The following PLEKHH2 variants were observed in gnomAD, a reference collection of about 807,000 sequenced individuals.
The protein encoded by PLEKHH2 is pleckstrin homology domain-containing family H member 2.
In PLEKHH2, 129 loss-of-function variants were observed where a neutral mutation model predicts 187.9. That is an observed-to-expected ratio of 0.69 (90% CI 0.59 to 0.79). PLEKHH2 has a LOEUF of 0.79. Among genes scored for constraint, PLEKHH2 ranks in the 30% least tolerant of loss-of-function variants. The pLI is 0.00. For synonymous variants in PLEKHH2, 686 were observed against 605.6 expected, an observed-to-expected ratio of 1.13 and a Z score of -1.95; for missense variants, 2,076 against 1,751.2, an observed-to-expected ratio of 1.19 and a Z score of -3.31.
intron 22 of PLEKHH2, among the ~76,000 whole-genome samples, chr2:43,743,481 T>C (rs1296491803): frequency 6.6e-6 from 1 of 152,230 alleles, no homozygotes; most frequent in African/African-American, 2.4e-5. Context: ...TTTAAACATA[T>C]TTCTTGTTTA....
chr2:43,647,994 A>G lies in PLEKHH2; in HGVS notation c.123+3198A>G, dbSNP rs146397431. On this transcript the variant is annotated intron_variant, in intron 2 of 29. Transcript: ENST00000282406. Reference sequence around the variant, plus strand: ...ACAGTAACCCTATGAGGTGATTGTTATTATCCTCAATCTAGAGAATTAACA... The same window carrying G: ...ACAGTAACCCTATGAGGTGATTGTTGTTATCCTCAATCTAGAGAATTAACA... Among the ~76,000 whole-genome samples the G allele has an allele frequency of 2.0e-3, 312 of 152,292 alleles. 1 individual carries two copies. Among genetic ancestry groups the G allele is most frequent in the African/African-American group, 7.2e-3 (301 of 41,570 alleles).
chr2:43,711,567 A>G (rs1486346255), intron 14 of PLEKHH2: 2 of 976,080 alleles, frequency 2.0e-6, no homozygotes, highest in Non-Finnish European at 2.4e-6. Context: ...ATTTTATTAT[A>G]GTCTTTAATC....
At chr2:43,754,198 AC>A (rs558049664) in intron 25 of PLEKHH2, among the ~76,000 whole-genome samples, 12,142 of 132,442 alleles carry the variant, frequency 0.092, 567 homozygotes, top group African/African-American at 0.15. Context: ...ACACACACAC[AC>A]ACACACAAAA....
intron 19 of PLEKHH2, among the ~76,000 whole-genome samples, chr2:43,734,052 G>C (rs751753212): frequency 1.3e-5 from 2 of 152,086 alleles, no homozygotes; most frequent in Non-Finnish European, 2.9e-5. Context: ...TTGTCCCAAA[G>C]CATAGAAAAA....
At chr2:43,718,771 A>G (rs966416047) in intron 15 of PLEKHH2, among the ~76,000 whole-genome samples, 1 of 152,154 alleles carries the variant, frequency 6.6e-6, no homozygotes, top group South Asian at 2.1e-4. Context: ...AAAGAAAAAA[A>G]CACCCCACAC....
At chr2:43,664,012 A>C (rs1186397454) in intron 2 of PLEKHH2, among the ~76,000 whole-genome samples, 3 of 104,862 alleles carry the variant, frequency 2.9e-5, no homozygotes, top group African/African-American at 1.2e-4. Context: ...AGATGAGTTC[A>C]ATTCCTGGGT....
intron 3 of PLEKHH2, chr2:43,680,895 C>T (rs1572543476): frequency 1.7e-6 from 1 of 585,124 alleles, no homozygotes; most frequent in East Asian, 3.5e-5. Flanking sequence ...AGTAGAATTT[C>T]TGTTTCTGCC....
intron 1 of PLEKHH2, among the ~76,000 whole-genome samples, chr2:43,640,096 C>T (rs1172397617): frequency 6.6e-6 from 1 of 152,068 alleles, no homozygotes; most frequent in East Asian, 1.9e-4. Flanking sequence ...GCATATGACC[C>T]CATCCCTTGG....
chr2:43,690,739 A>G (rs553253879), intron 3 of PLEKHH2, among the ~76,000 whole-genome samples: 5 of 152,344 alleles, frequency 3.3e-5, no homozygotes, highest in East Asian at 3.9e-4. Flanking sequence ...AATATTGTAT[A>G]TAGTACTCAA....
chr2:43,644,230 G>C (rs1352327012), intron 1 of PLEKHH2, among the ~76,000 whole-genome samples: 3 of 152,064 alleles, frequency 2.0e-5, no homozygotes, highest in Admixed American at 6.5e-5. Context: ...GTAAAATTAT[G>C]AGCTGATAGA....
At chr2:43,762,247 A>C in intron 27 of PLEKHH2, 57 bp from the exon 28 acceptor site, 3 of 1,300,724 alleles carry the variant, frequency 2.3e-6, no homozygotes, top group Non-Finnish European at 3.3e-6. Context: ...AGACTGAAAA[A>C]TATTCCTGTA....
At chr2:43,756,436 G>A (rs1399786278) in intron 25 of PLEKHH2, among the ~76,000 whole-genome samples, 3 of 151,972 alleles carry the variant, frequency 2.0e-5, no homozygotes, top group Non-Finnish European at 4.4e-5. Context: ...GGGATTACAG[G>A]TGCCTGCCAC....
At chr2:43,693,710 C>T (rs900621930) in intron 4 of PLEKHH2, among the ~76,000 whole-genome samples, 2 of 80,398 alleles carry the variant, frequency 2.5e-5, no homozygotes, top group Non-Finnish European at 4.6e-5. Flanking sequence ...GGCGACTGAG[C>T]GAGACTCCAT....
intron 2 of PLEKHH2, among the ~76,000 whole-genome samples, chr2:43,659,745 G>C (rs1397538938): frequency 1.3e-5 from 2 of 151,946 alleles, no homozygotes; most frequent in South Asian, 2.1e-4. Context: ...TTTTAGTAGA[G>C]ACAGTGTTTG....
At chr2:43,727,103 G>A (rs995631803) in intron 17 of PLEKHH2, among the ~76,000 whole-genome samples, 3 of 152,116 alleles carry the variant, frequency 2.0e-5, no homozygotes, top group Non-Finnish European at 4.4e-5. Flanking sequence ...TTCTGAATCA[G>A]AAGTACTTTC....
At chr2:43,659,713 C>T (rs1353226330) in intron 2 of PLEKHH2, among the ~76,000 whole-genome samples, 2 of 151,988 alleles carry the variant, frequency 1.3e-5, no homozygotes, top group African/African-American at 4.8e-5. Context: ...CACGTGCCAT[C>T]ATGCCTGGGT....
intron 27 of PLEKHH2, among the ~76,000 whole-genome samples, chr2:43,760,909 C>T (rs1250798351): frequency 1.3e-5 from 2 of 152,184 alleles, no homozygotes; most frequent in Non-Finnish European, 2.9e-5. Flanking sequence ...TTGTTATTGG[C>T]TTATTTCACT....
intron 23 of PLEKHH2, chr2:43,744,210 A>G: frequency 9.9e-7 from 1 of 1,013,278 alleles, no homozygotes; most frequent in Non-Finnish European, 1.3e-6. Context: ...AAAGAGAGGA[A>G]AGGTGTTAGT....
chr2:43,764,097 T>C, intron 28 of PLEKHH2, 131 bp from the exon 29 acceptor site: 1 of 527,266 alleles, frequency 1.9e-6, no homozygotes, highest in Non-Finnish European at 3.0e-6. Context: ...CATTTTATTT[T>C]AGAAAATAAT....
Sources: allele counts gnomAD v4.1 joint callset (sites outside exome capture counted in the v4.1 genomes callset), GRCh38; gene constraint gnomAD v4.1.1; transcripts MANE v1.5; gene names NCBI Gene and HGNC (gene_info 2026-07-23, HGNC 2026-07-21).